The following SOX5 variants were observed in gnomAD, a reference collection of about 807,000 sequenced individuals.
SOX5 encodes the protein transcription factor SOX-5.
Under a neutral mutation model 92.0 loss-of-function variants are expected in SOX5, and 9 were observed. The observed-to-expected ratio is 0.10, with a 90% CI of 0.06 to 0.17. SOX5 has a LOEUF of 0.17. SOX5 is among the 10% of genes least tolerant of loss of function. The probability of loss-of-function intolerance (pLI) is 1.00; values close to 1 mark genes in which losing one functional copy is unlikely to be tolerated. For missense variants in SOX5, 642 were observed against 944.5 expected (o/e 0.68, Z 4.20); for synonymous variants, 344 against 336.3 (o/e 1.02, Z -0.25).
chr12:23,930,854 T>C (rs1024477488), intron 1 of SOX5, among the ~76,000 whole-genome samples: 2 of 151,646 alleles, frequency 1.3e-5, no homozygotes, highest in African/African-American at 4.8e-5. Context: ...GGAAAATGTA[T>C]CATTCTTTGC....
At chr12:24,288,531 C>T (rs1268578930) in intron 2 of SOX5, among the ~76,000 whole-genome samples, 6 of 150,738 alleles carry the variant, frequency 4.0e-5, no homozygotes, top group African/African-American at 1.5e-4. Context: ...CAGAGGTCAC[C>T]GTTACTGAGA....
intron 4 of SOX5, among the ~76,000 whole-genome samples, chr12:24,021,845 G>T (rs923339147): frequency 1.3e-5 from 2 of 152,132 alleles, no homozygotes; most frequent in African/African-American, 4.8e-5. Context: ...TGCAATAATA[G>T]TTGTCACCTT....
At chr12:24,258,010 T>C (rs568991741) in intron 3 of SOX5, among the ~76,000 whole-genome samples, 8 of 151,808 alleles carry the variant, frequency 5.3e-5, no homozygotes, top group Admixed American at 1.3e-4. Context: ...CCGTCTCTAC[T>C]AAAATAAAAA....
At chr12:24,283,801 G>C (rs1449480131) in intron 2 of SOX5, among the ~76,000 whole-genome samples, 3 of 152,062 alleles carry the variant, frequency 2.0e-5, no homozygotes, top group Non-Finnish European at 4.4e-5. Flanking sequence ...CAACCAATAT[G>C]TGCCGAAAGC....
intron 2 of SOX5, among the ~76,000 whole-genome samples, chr12:23,887,920 T>C (rs1053150479): frequency 1.5e-5 from 2 of 133,402 alleles, no homozygotes; most frequent in Non-Finnish European, 3.5e-5. Context: ...TGTGTATATG[T>C]GTGTGTGTGT....
intron 2 of SOX5, among the ~76,000 whole-genome samples, chr12:24,367,429 C>T (rs1160098389): frequency 6.6e-6 from 1 of 152,116 alleles, no homozygotes; most frequent in Non-Finnish European, 1.5e-5. Flanking sequence ...TAACTATACA[C>T]AAAAGCCAAT....
At chr12:24,297,799 A>G (rs1947447831) in intron 2 of SOX5, among the ~76,000 whole-genome samples, 1 of 152,220 alleles carries the variant, frequency 6.6e-6, no homozygotes, top group Non-Finnish European at 1.5e-5. Flanking sequence ...CTGCCAGCTC[A>G]TAACTAGCAC....
intron 8 of SOX5, among the ~76,000 whole-genome samples, chr12:23,619,874 T>C (rs905025046): frequency 6.6e-6 from 1 of 152,172 alleles, no homozygotes; most frequent in African/African-American, 2.4e-5. Flanking sequence ...TTATCTTTTA[T>C]CATTCATGCT....
At chr12:23,942,221 ATTTCTT>A (rs2139579974) in intron 1 of SOX5, among the ~76,000 whole-genome samples, 1 of 151,948 alleles carries the variant, frequency 6.6e-6, no homozygotes, top group African/African-American at 2.4e-5. Flanking sequence ...TCAGTGTCGT[ATTTCTT>A]TTTCATTAGG....
At chr12:24,197,752 G>C (rs1957141825) in intron 4 of SOX5, among the ~76,000 whole-genome samples, 1 of 152,196 alleles carries the variant, frequency 6.6e-6, no homozygotes, top group Admixed American at 6.5e-5. Context: ...TGGAGGAAGA[G>C]AGAGTTAGAA....
At chr12:24,161,971 T>C (rs1451512804) in intron 4 of SOX5, among the ~76,000 whole-genome samples, 1 of 152,086 alleles carries the variant, frequency 6.6e-6, no homozygotes, top group Non-Finnish European at 1.5e-5. Flanking sequence ...TTATGGTTAA[T>C]GGGAAAATTT....
chr12:23,614,265 A>T (rs546875034), intron 8 of SOX5, among the ~76,000 whole-genome samples: 10 of 152,236 alleles, frequency 6.6e-5, no homozygotes, highest in Middle Eastern at 3.4e-3. Flanking sequence ...TCAACCAACA[A>T]AATATGTTTA....
intron 11 of SOX5, among the ~76,000 whole-genome samples, chr12:23,559,729 C>A (rs1052448960): frequency 6.6e-6 from 1 of 151,584 alleles, no homozygotes; most frequent in Non-Finnish European, 1.5e-5. Context: ...AAACAGATCT[C>A]CACCACAAGA....
chr12:23,700,135 T>C (rs725124), intron 6 of SOX5, among the ~76,000 whole-genome samples: 60,983 of 151,968 alleles, frequency 0.4, 12,937 homozygotes, highest in African/African-American at 0.55. Flanking sequence ...TTGAAAAGAA[T>C]GTAGAGCAAA....
At chr12:24,103,614 C>T (rs1946343600) in intron 4 of SOX5, among the ~76,000 whole-genome samples, 1 of 151,998 alleles carries the variant, frequency 6.6e-6, no homozygotes, top group African/African-American at 2.4e-5. Flanking sequence ...CCTTGGCCTC[C>T]CAATATCATT....
chr12:24,249,033 T>C (rs1939486146), intron 3 of SOX5, among the ~76,000 whole-genome samples: 1 of 152,206 alleles, frequency 6.6e-6, no homozygotes, highest in African/African-American at 2.4e-5. Flanking sequence ...CTTGCACGGA[T>C]ATATCGATAC....
chr12:24,450,688 A>G (rs1190549848), intron 1 of SOX5, among the ~76,000 whole-genome samples: 1 of 151,968 alleles, frequency 6.6e-6, no homozygotes, highest in African/African-American at 2.4e-5. Flanking sequence ...GACGGGTTTC[A>G]CCATATTGGC....
intron 1 of SOX5, among the ~76,000 whole-genome samples, chr12:24,464,490 A>C (rs1043167625): frequency 1.3e-5 from 2 of 151,850 alleles, no homozygotes; most frequent in Admixed American, 6.6e-5. Flanking sequence ...ACAGGTGCCC[A>C]CCACCACGCC....
chr12:24,097,763 G>A (rs1163826809), intron 4 of SOX5, among the ~76,000 whole-genome samples: 1 of 152,098 alleles, frequency 6.6e-6, no homozygotes, highest in Non-Finnish European at 1.5e-5. Flanking sequence ...ACTGTCATTT[G>A]ATGTAGCTCT....
Sources: allele counts gnomAD v4.1 joint callset (sites outside exome capture counted in the v4.1 genomes callset), GRCh38; gene constraint gnomAD v4.1.1; transcripts MANE v1.5; gene names NCBI Gene and HGNC (gene_info 2026-07-23, HGNC 2026-07-21).